CTNNA2: variants seen among roughly 807,000 people sequenced by gnomAD.
CTNNA2 encodes the protein catenin alpha-2.
A neutral mutation model predicts 101.0 loss-of-function variants in CTNNA2; 42 were observed. The observed-to-expected ratio is 0.42, with a 90% CI of 0.32 to 0.54. The LOEUF is 0.54. Ranked by LOEUF, CTNNA2 falls within the 20% of genes least tolerant of loss-of-function variation. CTNNA2 has a pLI of 0.14. For missense variants in CTNNA2, 871 were observed against 1,223.1 expected (o/e 0.71, Z 4.29); for synonymous variants, 450 against 456.4 (o/e 0.99, Z 0.18).
chr2:79,867,312 T>C (rs1046465710), intron 4 of CTNNA2, among the ~76,000 whole-genome samples: 2 of 150,660 alleles, frequency 1.3e-5, no homozygotes, highest in East Asian at 4.0e-4. Context: ...TTTTTTCTTC[T>C]TTTTCTACGT....
intron 9 of CTNNA2, among the ~76,000 whole-genome samples, chr2:80,497,689 A>G (rs562711665): frequency 1.3e-5 from 2 of 152,258 alleles, no homozygotes; most frequent in South Asian, 2.1e-4. Flanking sequence ...ATTAAACTCC[A>G]TCTTAACTGA....
intron 1 of CTNNA2, chr2:79,547,254 C>T (rs1028520270): frequency 6.6e-6 from 1 of 152,154 alleles, no homozygotes; most frequent in African/African-American, 2.4e-5. Flanking sequence ...TATGCTTCAT[C>T]TGGTACCTAA....
rs1558659802 is a variant in CTNNA2 at position 79,940,848 on chromosome 2, A to AAAAG, written c.1056+31053_1056+31056dup. 3.3e-5 allele frequency among the ~76,000 whole-genome samples: 5 copies of AAAAG among 152,334 alleles called. No homozygotes were observed. The South Asian group carries it at 1.0e-3, about 32-fold the overall frequency. The stretch of plus-strand genomic sequence containing the variant: ...CATGTAATTTATTGAATATCGCATG[A>AAAAG]AAAGAGAAACAGAATGGTTGTATGG... On this transcript the variant is annotated intron_variant, in intron 7 of 18. Transcript: ENST00000402739.
intron 6 of CTNNA2, among the ~76,000 whole-genome samples, chr2:79,887,159 C>G (rs1161717778): frequency 2.0e-5 from 3 of 151,856 alleles, no homozygotes; most frequent in African/African-American, 7.3e-5. Context: ...CAGTGGCTGC[C>G]GGGGGGAGAA....
intron 1 of CTNNA2, among the ~76,000 whole-genome samples, chr2:79,549,381 G>T (rs1252628713): frequency 6.6e-6 from 1 of 152,124 alleles, no homozygotes; most frequent in African/African-American, 2.4e-5. Context: ...TTGCTCATCT[G>T]GTCCAATTAA....
chr2:80,291,154 C>A (rs554808464), intron 7 of CTNNA2, among the ~76,000 whole-genome samples: 9 of 152,336 alleles, frequency 5.9e-5, no homozygotes, highest in Admixed American at 2.6e-4. Flanking sequence ...GATAGTTTTT[C>A]CTCGTGGGAT....
At chr2:80,371,775 G>C (rs959036210) in intron 7 of CTNNA2, among the ~76,000 whole-genome samples, 1 of 152,120 alleles carries the variant, frequency 6.6e-6, no homozygotes, top group Admixed American at 6.6e-5. Context: ...AGGTTGGAGA[G>C]CAAACCTGAA....
intron 7 of CTNNA2, chr2:80,288,839 T>G (rs1186830128): frequency 6.6e-6 from 1 of 152,204 alleles, no homozygotes; most frequent in East Asian, 1.9e-4. Flanking sequence ...TCTTTGGGGT[T>G]GGTGGCCCCG....
intron 7 of CTNNA2, among the ~76,000 whole-genome samples, chr2:79,938,736 A>G (rs1413700434): frequency 1.3e-5 from 2 of 152,168 alleles, no homozygotes; most frequent in Non-Finnish European, 2.9e-5. Flanking sequence ...TATTATCTAG[A>G]ACACTTTAGG....
At chr2:79,197,581 A>G (rs1300222631) in intron 1 of CTNNA2, among the ~76,000 whole-genome samples, 2 of 152,012 alleles carry the variant, frequency 1.3e-5, no homozygotes, top group Non-Finnish European at 2.9e-5. Context: ...TGCCTAGCAT[A>G]TTTTTATAAT....
intron 5 of CTNNA2, among the ~76,000 whole-genome samples, chr2:79,873,071 A>G (rs1429739326): frequency 6.6e-6 from 1 of 152,242 alleles, no homozygotes; most frequent in Non-Finnish European, 1.5e-5. Flanking sequence ...ATGAGCTGCC[A>G]TTAGAGGCTG....
intron 7 of CTNNA2, among the ~76,000 whole-genome samples, chr2:80,106,803 G>A (rs1464096597): frequency 3.9e-5 from 6 of 152,074 alleles, no homozygotes; most frequent in Admixed American, 6.5e-5. Flanking sequence ...GGCGCCTGGC[G>A]TAAGATGAGG....
At chr2:79,402,005 C>T (rs924604597) in intron 4 of CTNNA2, among the ~76,000 whole-genome samples, 7 of 151,588 alleles carry the variant, frequency 4.6e-5, no homozygotes, top group African/African-American at 1.7e-4. Context: ...AATAGCCATG[C>T]AGTGGCTATA....
intron 4 of CTNNA2, among the ~76,000 whole-genome samples, chr2:79,407,623 G>A (rs1678354180): frequency 6.6e-6 from 1 of 151,938 alleles, no homozygotes; most frequent in Non-Finnish European, 1.5e-5. Flanking sequence ...GGAGGAGGAG[G>A]AGGGCAGAAT....
At chr2:79,424,234 G>A (rs1678570142) in intron 4 of CTNNA2, among the ~76,000 whole-genome samples, 1 of 152,002 alleles carries the variant, frequency 6.6e-6, no homozygotes, top group African/African-American at 2.4e-5. Flanking sequence ...GATATATTCT[G>A]GTTTTATCTA....
intron 3 of CTNNA2, among the ~76,000 whole-genome samples, chr2:79,845,653 C>T (rs2103870366): frequency 6.6e-6 from 1 of 152,256 alleles, no homozygotes; most frequent in Non-Finnish European, 1.5e-5. Flanking sequence ...TGAGATTCAT[C>T]ATGACCCTAG....
At chr2:80,478,787 T>C (rs1363062929) in intron 9 of CTNNA2, among the ~76,000 whole-genome samples, 1 of 152,112 alleles carries the variant, frequency 6.6e-6, no homozygotes, top group Non-Finnish European at 1.5e-5. Flanking sequence ...AGCCTTGTAA[T>C]AATTTGACGT....
At chr2:79,933,035 T>C (rs1477746871) in intron 7 of CTNNA2, among the ~76,000 whole-genome samples, 1 of 152,222 alleles carries the variant, frequency 6.6e-6, no homozygotes, top group East Asian at 1.9e-4. Context: ...TTCTAGCATA[T>C]ATATTTGATT....
At chr2:80,408,483 G>T (rs563782994) in intron 8 of CTNNA2, among the ~76,000 whole-genome samples, 1 of 152,280 alleles carries the variant, frequency 6.6e-6, no homozygotes, top group South Asian at 2.1e-4. Flanking sequence ...ATTGTGAGGG[G>T]ATTAAATCAT....
Sources: allele counts gnomAD v4.1 joint callset (sites outside exome capture counted in the v4.1 genomes callset), GRCh38; gene constraint gnomAD v4.1.1; transcripts MANE v1.5; gene names NCBI Gene and HGNC (gene_info 2026-07-23, HGNC 2026-07-21).